KSR2: variants seen among roughly 807,000 people sequenced by gnomAD.
KSR2 encodes the protein kinase suppressor of ras 2.
In KSR2, 25 loss-of-function variants were observed where a neutral mutation model predicts 107.8. The observed-to-expected ratio is 0.23, with a 90% CI of 0.17 to 0.32. KSR2 has a LOEUF of 0.32. KSR2 is among the 10% of genes least tolerant of loss of function. The pLI is 1.00. For missense variants in KSR2, 887 were observed against 1,268.9 expected, an observed-to-expected ratio of 0.70 and a Z score of 4.57; for synonymous variants, 480 against 507.0, an observed-to-expected ratio of 0.95 and a Z score of 0.71.
chr12:117,655,636 G>A (rs748341606), intron 5 of KSR2, among the ~76,000 whole-genome samples: 10 of 152,150 alleles, frequency 6.6e-5, no homozygotes, highest in Non-Finnish European at 1.5e-4. Flanking sequence ...CTGGCCTAGA[G>A]GTCTTAGTTC....
intron 5 of KSR2, among the ~76,000 whole-genome samples, chr12:117,588,439 T>A (rs1441976733): frequency 2.0e-5 from 3 of 152,124 alleles, no homozygotes; most frequent in Non-Finnish European, 4.4e-5. Flanking sequence ...GCTGGGAGCT[T>A]TTGGGGTTTG....
At chr12:117,706,043 T>A (rs968180167) in intron 4 of KSR2, among the ~76,000 whole-genome samples, 3 of 146,838 alleles carry the variant, frequency 2.0e-5, no homozygotes, top group Non-Finnish European at 4.5e-5. Context: ...TTGGGTCTTT[T>A]TTTTTTTTTT....
chr12:117,933,888 C>T (rs898003012), intron 1 of KSR2, among the ~76,000 whole-genome samples: 5 of 152,156 alleles, frequency 3.3e-5, no homozygotes, highest in African/African-American at 1.2e-4. Context: ...GTTCTCCATC[C>T]ACTCACCATC....
chr12:117,807,518 T>C (rs1047750293), intron 3 of KSR2, among the ~76,000 whole-genome samples: 4 of 152,216 alleles, frequency 2.6e-5, no homozygotes, highest in African/African-American at 9.6e-5. Flanking sequence ...TTTTTGGAGA[T>C]TCTACAAGCA....
At chr12:117,525,265 C>T (rs1045984053) in intron 13 of KSR2, 46 bp from the exon 14 acceptor site, 2 of 1,520,138 alleles carry the variant, frequency 1.3e-6, no homozygotes, top group Non-Finnish European at 1.8e-6. Context: ...CTGCCACTGC[C>T]CCAGCCTCCC....
intron 7 of KSR2, among the ~76,000 whole-genome samples, chr12:117,558,899 C>T (rs937381022): frequency 1.8e-4 from 27 of 146,132 alleles, no homozygotes; most frequent in African/African-American, 5.4e-4. Context: ...GGTGGATGGA[C>T]GGGTGGGTGG....
chr12:117,878,162 G>C (rs1339596184), intron 1 of KSR2, among the ~76,000 whole-genome samples: 1 of 120,064 alleles, frequency 8.3e-6, no homozygotes, highest in Non-Finnish European at 1.6e-5. Context: ...CACCGTGCAA[G>C]AATTCAGGCA....
chr12:117,911,536 T>C (rs1005549625), intron 1 of KSR2, among the ~76,000 whole-genome samples: 1 of 152,240 alleles, frequency 6.6e-6, no homozygotes, highest in African/African-American at 2.4e-5. Context: ...TATTTGTCAC[T>C]GCAGCAATAG....
chr12:117,602,666 G>A (rs1010165477), intron 5 of KSR2, among the ~76,000 whole-genome samples: 2 of 152,148 alleles, frequency 1.3e-5, no homozygotes, highest in Non-Finnish European at 1.5e-5. Flanking sequence ...ATGAGCACTT[G>A]TGTTGTTTCT....
chr12:117,894,147 G>A (rs1028764799), intron 1 of KSR2, among the ~76,000 whole-genome samples: 1 of 152,008 alleles, frequency 6.6e-6, no homozygotes, highest in Non-Finnish European at 1.5e-5. Flanking sequence ...CTGACCTCGT[G>A]ATCCACCCGC....
chr12:117,961,386 T>C (rs895868960), intron 1 of KSR2, among the ~76,000 whole-genome samples: 1 of 152,186 alleles, frequency 6.6e-6, no homozygotes, highest in Non-Finnish European at 1.5e-5. Context: ...TAGGGGTCTA[T>C]TTCTTACAGT....
chr12:117,903,555 G>T (rs2137401910), intron 1 of KSR2, among the ~76,000 whole-genome samples: 1 of 152,306 alleles, frequency 6.6e-6, no homozygotes, highest in East Asian at 1.9e-4. Context: ...AGTCCTGCCT[G>T]GGGGCAAACA....
chr12:117,756,265 G>A (rs553809774), intron 4 of KSR2, among the ~76,000 whole-genome samples: 10 of 152,224 alleles, frequency 6.6e-5, no homozygotes, highest in Non-Finnish European at 1.2e-4. Context: ...CTAGAGAGAC[G>A]AAGTCAGTGC....
chr12:117,945,591 T>C (rs1008396895), intron 1 of KSR2, among the ~76,000 whole-genome samples: 1 of 152,126 alleles, frequency 6.6e-6, no homozygotes, highest in Non-Finnish European at 1.5e-5. Flanking sequence ...GGAGAATTAC[T>C]TGAACCTCGG....
chr12:117,528,074 C>G (rs1875343129), intron 12 of KSR2, among the ~76,000 whole-genome samples: 2 of 151,704 alleles, frequency 1.3e-5, no homozygotes, highest in South Asian at 4.2e-4. Context: ...GGCGGGGCGT[C>G]ACAATTTGTG....
intron 3 of KSR2, among the ~76,000 whole-genome samples, chr12:117,764,505 G>A (rs1275303082): frequency 6.6e-6 from 1 of 152,136 alleles, no homozygotes; most frequent in African/African-American, 2.4e-5. Context: ...CAGGGCATGA[G>A]GCTGTCTGTG....
chr12:117,683,731 A>C (rs186087685), intron 4 of KSR2, among the ~76,000 whole-genome samples: 1 of 152,206 alleles, frequency 6.6e-6, no homozygotes, highest in African/African-American at 2.4e-5. Context: ...ACTAAGACAC[A>C]CTTCAGGTCT....
At chr12:117,894,547 T>C (rs1045759695) in intron 1 of KSR2, among the ~76,000 whole-genome samples, 3 of 152,110 alleles carry the variant, frequency 2.0e-5, no homozygotes, top group Admixed American at 6.5e-5. Context: ...TTTGGCTCTG[T>C]GTCCCCACAC....
At chr12:117,657,219 C>T (rs1199942788) in intron 5 of KSR2, among the ~76,000 whole-genome samples, 5 of 151,612 alleles carry the variant, frequency 3.3e-5, no homozygotes, top group African/African-American at 7.3e-5. Flanking sequence ...CTTACTCTGC[C>T]GCTATGGACT....
Sources: gnomAD v4.1 joint callset for allele counts (sites outside exome capture counted in the v4.1 genomes callset) on GRCh38, gnomAD v4.1.1 for gene constraint, MANE v1.5 for transcripts, NCBI Gene and HGNC (gene_info 2026-07-23, HGNC 2026-07-21) for gene names.